The following ESRRB variants were observed in gnomAD, a reference collection of about 807,000 sequenced individuals.
ESRRB encodes the protein estrogen related receptor beta, also known as steroid hormone receptor ERR2.
Under a neutral mutation model 46.0 loss-of-function variants are expected in ESRRB, and 16 were observed. The observed-to-expected ratio is 0.35, with a 90% CI of 0.24 to 0.53. ESRRB has a LOEUF of 0.53. Among genes scored for constraint, ESRRB ranks in the 20% least tolerant of loss-of-function variants. ESRRB has a pLI of 0.93. For synonymous variants in ESRRB, 246 were observed against 259.6 expected (o/e 0.95, Z 0.50); for missense variants, 488 against 607.4 (o/e 0.80, Z 2.07).
chr14:76,377,914 C>T (rs1192845312), intron 1 of ESRRB, among the ~76,000 whole-genome samples: 1 of 152,000 alleles, frequency 6.6e-6, no homozygotes, highest in Non-Finnish European at 1.5e-5. Context: ...ACCAGAATGT[C>T]GGCAGAAGGC....
At position 76,467,500 on chromosome 14, in the gene ESRRB, C is replaced by CAAAA. The variant is rs397709875; in HGVS notation, c.577+4858_577+4861dup. On this transcript the variant is annotated intron_variant, in intron 3 of 6. Transcript: ENST00000644823. The stretch of plus-strand genomic sequence containing the variant: ...TGGGCGACAGTGCAAGCCTCTGTCT[C>CAAAA]AAAAAAAAAAAAAAAAAAAAAATTC... Among the ~76,000 whole-genome samples the CAAAA allele has an allele frequency of 1.6e-4, 15 of 91,718 alleles. No homozygotes were observed. In the East Asian group the frequency reaches 2.8e-3, roughly 17 times the overall value. The allele number at this position is 91,718 out of a possible 152,430, so 60.2% of individuals were successfully genotyped here.
chr14:76,491,888 G>T (rs982847946), intron 6 of ESRRB, among the ~76,000 whole-genome samples, 172 bp downstream of exon 6: 1 of 152,252 alleles, frequency 6.6e-6, no homozygotes. Context: ...CAGATAAAAA[G>T]CTGGTGATGA....
chr14:76,346,957 C>G (rs1216920753), intron 1 of ESRRB, among the ~76,000 whole-genome samples: 11 of 152,196 alleles, frequency 7.2e-5, no homozygotes. Context: ...ACATCACCCC[C>G]AACACACATG....
chr14:76,364,182 A>G, intron 1 of ESRRB, among the ~76,000 whole-genome samples: 1 of 152,222 alleles, frequency 6.6e-6, no homozygotes, highest in East Asian at 1.9e-4. Context: ...TGGTTTTTAC[A>G]GTGATTGCCC....
At chr14:76,406,517 A>G (rs2139851157) in intron 1 of ESRRB, among the ~76,000 whole-genome samples, 1 of 152,266 alleles carries the variant, frequency 6.6e-6, no homozygotes. Flanking sequence ...AGACTGAGGC[A>G]GGTGGATCAC....
At chr14:76,456,387 A>T (rs892982466) in intron 2 of ESRRB, among the ~76,000 whole-genome samples, 4 of 152,124 alleles carry the variant, frequency 2.6e-5, no homozygotes, top group African/African-American at 9.7e-5. Flanking sequence ...GAAAGTTATT[A>T]ACTGACCTCC....
At chr14:76,422,502 C>T (rs1566889612) in intron 1 of ESRRB, among the ~76,000 whole-genome samples, 1 of 152,160 alleles carries the variant, frequency 6.6e-6, no homozygotes, top group African/African-American at 2.4e-5. Context: ...TGAGCCACCA[C>T]ACCCGGCCGA....
At chr14:76,472,716 A>G (rs1001943080) in intron 3 of ESRRB, among the ~76,000 whole-genome samples, 1 of 152,190 alleles carries the variant, frequency 6.6e-6, no homozygotes, top group African/African-American at 2.4e-5. Flanking sequence ...ATGCCCACAC[A>G]ACTTCCAGAA....
chr14:76,480,410 A>G (rs1889762911), intron 3 of ESRRB, among the ~76,000 whole-genome samples: 1 of 152,178 alleles, frequency 6.6e-6, no homozygotes, highest in Admixed American at 6.5e-5. Flanking sequence ...TAGCATCCCA[A>G]AGTTCCTTTA....
rs1275743460 is a variant in ESRRB, at chr14:76,501,590, G to A, written c.*3132G>A. Reference sequence around the variant, plus strand: ...TGAAGGGTCCAGAGTCCATGCTCACGGAACAGCACCAAAGAAAAGCACTAT... The same window carrying A: ...TGAAGGGTCCAGAGTCCATGCTCACAGAACAGCACCAAAGAAAAGCACTAT... On this transcript the variant is annotated 3_prime_UTR_variant, in exon 7 of 7. Coordinates refer to ENST00000644823, the MANE Select transcript of ESRRB (RefSeq NM_001379180.1). 2.6e-5 allele frequency: 4 copies of A among 152,156 alleles called. No individual in the cohort carries two copies. Among genetic ancestry groups the A allele is most frequent in the African/African-American group, 4.8e-5 (2 of 41,414 alleles). The allele number at this position is 152,156 out of a possible 1,614,324, so 9.4% of individuals were successfully genotyped here.
At chr14:76,479,668 C>T (rs561495933) in intron 3 of ESRRB, among the ~76,000 whole-genome samples, 5 of 152,254 alleles carry the variant, frequency 3.3e-5, no homozygotes, top group Admixed American at 6.5e-5. Context: ...GCTGGGGAGG[C>T]GCTGCTGGTC....
At chr14:76,329,188 G>A (rs978116356) in intron 1 of ESRRB, among the ~76,000 whole-genome samples, 1 of 152,132 alleles carries the variant, frequency 6.6e-6, no homozygotes, top group African/African-American at 2.4e-5. Context: ...GGGGTCACTC[G>A]AGAACTTGTC....
intron 1 of ESRRB, among the ~76,000 whole-genome samples, chr14:76,422,026 C>A: frequency 6.6e-6 from 1 of 152,038 alleles, no homozygotes. Context: ...AGTCAAAATG[C>A]CCCGTCTGGA....
At chr14:76,319,673 A>G (rs968657800) in intron 1 of ESRRB, among the ~76,000 whole-genome samples, 2 of 152,208 alleles carry the variant, frequency 1.3e-5, no homozygotes, top group African/African-American at 4.8e-5. Context: ...GCCCAGGGGA[A>G]AAGACCACAA....
At chr14:76,473,591 A>C (rs1003287564) in intron 3 of ESRRB, among the ~76,000 whole-genome samples, 1 of 152,230 alleles carries the variant, frequency 6.6e-6, no homozygotes, top group Non-Finnish European at 1.5e-5. Context: ...AAAAGAAAGA[A>C]GCTTAAAGTG....
intron 1 of ESRRB, among the ~76,000 whole-genome samples, chr14:76,385,526 G>A (rs1457966820): frequency 6.6e-6 from 1 of 152,222 alleles, no homozygotes; most frequent in Non-Finnish European, 1.5e-5. Flanking sequence ...GTCACCGAGT[G>A]TTTGGGGGTG....
intron 6 of ESRRB, among the ~76,000 whole-genome samples, chr14:76,496,440 G>A (rs528495595): frequency 1.6e-4 from 25 of 152,298 alleles, no homozygotes; most frequent in African/African-American, 5.8e-4. Context: ...GGGGCCATCA[G>A]CTCCAGGCAG....
chr14:76,500,757 A>G lies in ESRRB; in HGVS notation c.*2299A>G. 6.2e-7 allele frequency: 1 copy of G among 1,612,032 alleles called. No individual in the cohort carries two copies. Among genetic ancestry groups the G allele is most frequent in the African/African-American group, 1.3e-5 (1 of 74,998 alleles). The stretch of plus-strand genomic sequence containing the variant: ...GGAGCAAGTGGGTGTTCTGCACACC[A>G]GGCAGCTGCACCTCACTGGATCTAG... On this transcript the variant is annotated 3_prime_UTR_variant, in exon 7 of 7. Coordinates refer to ENST00000644823, the MANE Select transcript of ESRRB (RefSeq NM_001379180.1).
intron 3 of ESRRB, among the ~76,000 whole-genome samples, chr14:76,472,543 G>C (rs1284423803): frequency 6.6e-6 from 1 of 152,216 alleles, no homozygotes; most frequent in Non-Finnish European, 1.5e-5. Context: ...TGTGTCACTG[G>C]GGTAAGAGGC....
Sources: gnomAD v4.1 joint callset for allele counts (sites outside exome capture counted in the v4.1 genomes callset) on GRCh38, gnomAD v4.1.1 for gene constraint, MANE v1.5 for transcripts, NCBI Gene and HGNC (gene_info 2026-07-23, HGNC 2026-07-21) for gene names.